Variants in DCAF6 observed in about 807,000 individuals in gnomAD.
DCAF6 encodes DDB1 and CUL4 associated factor 6, also known as DDB1- and CUL4-associated factor 6.
A neutral mutation model predicts 125.1 loss-of-function variants in DCAF6; 54 were observed. That is an observed-to-expected ratio of 0.43 (90% CI 0.35 to 0.54). DCAF6 has a LOEUF of 0.54. Among genes scored for constraint, DCAF6 ranks in the 20% least tolerant of loss-of-function variants. DCAF6 has a pLI of 0.01. For missense variants in DCAF6, 934 were observed against 1,161.7 expected (o/e 0.80, Z 2.85); for synonymous variants, 371 against 390.4 (o/e 0.95, Z 0.58).
At chr1:167,988,917 A>G (rs1275599689) in intron 5 of DCAF6, among the ~76,000 whole-genome samples, 1 of 145,744 alleles carries the variant, frequency 6.9e-6, no homozygotes, top group African/African-American at 2.4e-5. Flanking sequence ...TGTCTCTACA[A>G]AAAATACAAA....
At chr1:168,017,745 A>T (rs973979086) in intron 11 of DCAF6, among the ~76,000 whole-genome samples, 1 of 152,270 alleles carries the variant, frequency 6.6e-6, no homozygotes, top group East Asian at 1.9e-4. Flanking sequence ...TTCTTTTATG[A>T]TAGATGTTAC....
chr1:168,071,413 C>T (rs1345347486), intron 21 of DCAF6, among the ~76,000 whole-genome samples: 2 of 151,724 alleles, frequency 1.3e-5, no homozygotes, highest in East Asian at 1.9e-4. Context: ...AGACCAGCCT[C>T]GCCAACATGG....
At chr1:167,971,451 C>T (rs936225953) in intron 3 of DCAF6, among the ~76,000 whole-genome samples, 32 of 152,062 alleles carry the variant, frequency 2.1e-4, no homozygotes, top group Non-Finnish European at 4.1e-4. Flanking sequence ...TCTGTATATT[C>T]GATACCTCAG....
chr1:168,038,563 G>T, intron 13 of DCAF6, 75 bp downstream of exon 13: 1 of 1,056,626 alleles, frequency 9.5e-7, no homozygotes, highest in Non-Finnish European at 1.4e-6. Flanking sequence ...TTAACACTTC[G>T]TCATCTTTAT....
the DCAF6 span, among the ~76,000 whole-genome samples, chr1:167,898,463 G>A: frequency 3.3e-5 from 5 of 152,104 alleles, no homozygotes; most frequent in East Asian, 3.9e-4. Context: ...AGCTGGGCGT[G>A]GTAGCGGGCA....
the DCAF6 span, among the ~76,000 whole-genome samples, chr1:167,865,289 TA>T: frequency 6.6e-5 from 10 of 151,688 alleles, no homozygotes; most frequent in African/African-American, 1.7e-4. Flanking sequence ...ATGTTAATTG[TA>T]AAAAAAAATT....
chr1:167,909,485 C>T, the DCAF6 span, among the ~76,000 whole-genome samples: 2 of 152,172 alleles, frequency 1.3e-5, no homozygotes, highest in South Asian at 2.1e-4. Flanking sequence ...CACATGCGGT[C>T]CAGGATGGCT....
the DCAF6 span, among the ~76,000 whole-genome samples, chr1:167,921,939 T>C: frequency 5.3e-5 from 8 of 152,206 alleles, no homozygotes; most frequent in Admixed American, 3.9e-4. Context: ...CTTTGACCTT[T>C]ATGATTAGTT....
the DCAF6 span, chr1:167,870,168 A>T: frequency 7.0e-7 from 1 of 1,436,826 alleles, no homozygotes; most frequent in Non-Finnish European, 9.8e-7. Flanking sequence ...TAGATAATTT[A>T]CATAAGGCAA....
At chr1:167,986,343 C>A (rs904596888) in intron 4 of DCAF6, among the ~76,000 whole-genome samples, 1 of 152,190 alleles carries the variant, frequency 6.6e-6, no homozygotes, top group Non-Finnish European at 1.5e-5. Flanking sequence ...ACTCCACATC[C>A]TCATCAACAC....
chr1:167,896,511 C>A, the DCAF6 span: 1 of 1,098,430 alleles, frequency 9.1e-7, no homozygotes, highest in Non-Finnish European at 1.4e-6. Context: ...AGCCCACCCA[C>A]CAGTAATGAA....
chr1:167,880,347 G>T, the DCAF6 span: 25 of 944,012 alleles, frequency 2.6e-5, 1 homozygote, highest in South Asian at 3.4e-4. Context: ...ACATGGCCCG[G>T]AGATGCGAAG....
chr1:168,015,769 T>A lies in DCAF6; in HGVS notation c.1379-12T>A, dbSNP rs760884879. 1 of 1,457,738 alleles carries A rather than the reference T, an allele frequency of 6.9e-7. No individual in the cohort carries two copies. The highest frequency in any genetic ancestry group is 1.4e-5 in the South Asian group (1 of 70,796). 90.3% of individuals were successfully genotyped at this position (1,457,738 alleles called of 1,614,324 possible). On this transcript the variant is annotated splice_polypyrimidine_tract_variant and intron_variant, in intron 10 of 21. Transcript: ENST00000367840. ...TACTGTCTTTTCACCTTTCTTTTCC[T>A]ATTTGTGTCAGAATTTTTAAGGGGC... is the stretch of plus-strand genomic sequence containing the variant.
At chr1:167,926,588 T>C in the DCAF6 span, among the ~76,000 whole-genome samples, 2 of 152,234 alleles carry the variant, frequency 1.3e-5, no homozygotes, top group Non-Finnish European at 2.9e-5. Flanking sequence ...GCATTTTTAG[T>C]TGCCCCAACT....
At chr1:167,886,965 T>A in the DCAF6 span, among the ~76,000 whole-genome samples, 54 of 152,268 alleles carry the variant, frequency 3.5e-4, no homozygotes, top group East Asian at 9.8e-3. Context: ...TCACTGGCCA[T>A]CAGAGACATG....
chr1:167,888,861 G>A, the DCAF6 span, among the ~76,000 whole-genome samples: 1 of 132,990 alleles, frequency 7.5e-6, no homozygotes, highest in Non-Finnish European at 1.6e-5. Context: ...GGGCGAAAGA[G>A]GGAGACTCCG....
the DCAF6 span, chr1:167,920,595 G>A: frequency 1.8e-5 from 29 of 1,613,946 alleles, no homozygotes; most frequent in Non-Finnish European, 2.4e-5. Context: ...TTTTCTGCAG[G>A]TCTGGCCATA....
At chr1:167,898,807 G>C in the DCAF6 span, among the ~76,000 whole-genome samples, 1 of 152,052 alleles carries the variant, frequency 6.6e-6, no homozygotes, top group South Asian at 2.1e-4. Flanking sequence ...TTTCTGCCGC[G>C]TAGTCCCATT....
chr1:167,904,067 G>A, the DCAF6 span: 18 of 907,524 alleles, frequency 2.0e-5, no homozygotes, highest in Non-Finnish European at 1.8e-6. Context: ...TACCCTGGAA[G>A]GCAGCGGGCC....
Sources: gnomAD v4.1 joint callset for allele counts (sites outside exome capture counted in the v4.1 genomes callset) on GRCh38, gnomAD v4.1.1 for gene constraint, MANE v1.5 for transcripts, NCBI Gene and HGNC (gene_info 2026-07-23, HGNC 2026-07-21) for gene names.